The following KISS1R variants were observed in gnomAD, a reference collection of about 807,000 sequenced individuals.
KISS1R encodes the protein kiSS-1 receptor.
KISS1R carries 19 observed loss-of-function variants against 22.0 expected under a neutral mutation model. The observed-to-expected ratio is 0.86, with a 90% CI of 0.60 to 1.26. The LOEUF is 1.26. KISS1R is among the 50% of genes most tolerant of loss of function. The pLI is 0.00. For missense variants in KISS1R, 653 were observed against 581.9 expected (o/e 1.12, Z -1.26); for synonymous variants, 302 against 283.9 (o/e 1.06, Z -0.64).
Position 919,861 on chromosome 19 carries a change from G to T in KISS1R, c.506-13G>T, listed in dbSNP as rs1209639002. ...TTCCCCGAGCGGGGTCTTCATCCTGGCTTGTGGCACAGGCTCTGCGGCGGT... is the reference window on the plus strand; with the variant it reads ...TTCCCCGAGCGGGGTCTTCATCCTGTCTTGTGGCACAGGCTCTGCGGCGGT... On this transcript the variant is annotated splice_polypyrimidine_tract_variant and intron_variant, in intron 3 of 4. Transcript: ENST00000234371. The T allele has an allele frequency of 6.5e-7, 1 of 1,535,628 alleles. No individual in the cohort carries two copies. Among genetic ancestry groups the T allele is most frequent in the South Asian group, 1.2e-5 (1 of 84,036 alleles).
chr19:920,375 G>A lies in KISS1R; in HGVS notation c.824G>A (p.Cys275Tyr), dbSNP rs1269448845. ...VAAVVLLFAACWGPIQLFLVL... is the reference protein window; with the variant it reads ...VAAVVLLFAAYWGPIQLFLVL... ...GCCGTGGTCCTGCTCTTCGCCGCCT[G>A]CTGGGGCCCCATCCAGCTGTTCCTG... is the stretch of plus-strand genomic sequence containing the variant. Residue 275 changes from cysteine to tyrosine, a missense_variant, in exon 5 of 5, where the codon TGC becomes TAC. Transcript: ENST00000234371. 4 of 1,586,196 alleles carry A rather than the reference G, an allele frequency of 2.5e-6. No individual in the cohort carries two copies. The highest frequency in any genetic ancestry group is 3.4e-6 in the Non-Finnish European group (4 of 1,172,052).
rs1444197842 is a variant in KISS1R at position 920,372 on chromosome 19, C to A, written c.821C>A (p.Ala274Asp). The A allele has an allele frequency of 6.3e-7, 1 of 1,582,728 alleles. No individual in the cohort carries two copies. The highest frequency in any genetic ancestry group is 1.1e-5 in the South Asian group (1 of 88,046). ...LVAAVVLLFA[A>D]CWGPIQLFLV... ...GCGGCCGTGGTCCTGCTCTTCGCCG[C>A]CTGCTGGGGCCCCATCCAGCTGTTC... is the stretch of plus-strand genomic sequence containing the variant. The change falls in exon 5 of 5, where the codon GCC becomes GAC. Residue 274 changes from alanine to aspartate, a missense_variant. By Grantham distance (126) the Ala-to-Asp change is moderately radical (BLOSUM62 -2). Coordinates refer to ENST00000234371, the MANE Select transcript of KISS1R (RefSeq NM_032551.5).
Position 919,880 on chromosome 19 carries a change from C to T in KISS1R, c.512C>T (p.Ala171Val). 6.5e-7 allele frequency: 1 copy of T among 1,535,084 alleles called. No individual in the cohort carries two copies. Among genetic ancestry groups the T allele is most frequent in the Non-Finnish European group, 8.7e-7 (1 of 1,145,554 alleles). Residue 171 changes from alanine to valine, a missense_variant, in exon 4 of 5, where the codon GCG becomes GTG. Physicochemically the swap from Ala to Val is moderately conservative, Grantham distance 64. Coordinates refer to ENST00000234371, the MANE Select transcript of KISS1R (RefSeq NM_032551.5). ...ATCCTGGCTTGTGGCACAGGCTCTG[C>T]GGCGGTGTCTGCGCCGGTGCTCGCC... Reference protein sequence around the residue: ...AVSLSIWVGSAAVSAPVLALH... With the variant: ...AVSLSIWVGSVAVSAPVLALH...
chr19:917,420 C>G lies in KISS1R; in HGVS notation c.-83C>G. On this transcript the variant is annotated 5_prime_UTR_variant, in exon 1 of 5. Transcript: ENST00000234371. ...TCCTGAGTTCCACAGGCGCAGCCCCCGGGCGGTCGGGCGGAGGGGTCCCCG... is the reference window on the plus strand; with the variant it reads ...TCCTGAGTTCCACAGGCGCAGCCCCGGGGCGGTCGGGCGGAGGGGTCCCCG... 2.2e-6 allele frequency: 3 copies of G among 1,357,518 alleles called. No individual in the cohort carries two copies. The highest frequency in any genetic ancestry group is 1.7e-5 in the South Asian group (1 of 57,830). The allele number at this position is 1,357,518 out of a possible 1,614,324, so 84.1% of individuals were successfully genotyped here. A position where few individuals can be genotyped will look rare whatever the true frequency, so the allele number is the denominator to read the frequency against.
In KISS1R at chr19:920,509, C is replaced by A. The variant is rs761804333; in HGVS notation, c.958C>A (p.Pro320Thr). 3.1e-6 allele frequency: 5 copies of A among 1,608,702 alleles called. No individual in the cohort carries two copies. The African/African-American group carries it at 5.4e-5, about 17-fold the overall frequency. Residue 320 changes from proline (P) to threonine (T), a missense_variant, in exon 5 of 5, where the codon CCG (proline) becomes ACG (threonine). By Grantham distance (38) the Pro-to-Thr change is conservative. Transcript: ENST00000234371. ...GTCCTACAGCAACTCCGCGCTGAAC[C>A]CGCTGCTCTACGCCTTCCTGGGCTC... ...CMSYSNSALN[P>T]LLYAFLGSHF...
Position 917,429 on chromosome 19 carries a change from G to T in KISS1R, c.-74G>T. On this transcript the variant is annotated 5_prime_UTR_variant, in exon 1 of 5. Transcript: ENST00000234371. ...CCACAGGCGCAGCCCCCGGGCGGTC[G>T]GGCGGAGGGGTCCCCGGGGCGGTGC... 7.3e-7 allele frequency: 1 copy of T among 1,367,036 alleles called. No individual in the cohort carries two copies. The highest frequency in any genetic ancestry group is 9.4e-7 in the Non-Finnish European group (1 of 1,067,044). The allele number at this position is 1,367,036 out of a possible 1,614,324, so 84.7% of individuals were successfully genotyped here. A position where few individuals can be genotyped will look rare whatever the true frequency, so the allele number is the denominator to read the frequency against.
At chr19:918,462 GC>G in intron 1 of KISS1R, 81 bp from the exon 2 acceptor site, 1 of 1,491,714 alleles carries the variant, frequency 6.7e-7, no homozygotes, top group East Asian at 2.5e-5. Context: ...CAAGGTGGGG[GC>G]CAGGGGTCAG....
In KISS1R at chr19:917,392, C is replaced by T. The variant is rs2037064094; in HGVS notation, c.-111C>T. On this transcript the variant is annotated 5_prime_UTR_variant, in exon 1 of 5. Coordinates refer to ENST00000234371, the MANE Select transcript of KISS1R (RefSeq NM_032551.5). ...GGACCCTGCGGACCCCAGCCGAGCC[C>T]CTTCCTGAGTTCCACAGGCGCAGCC... The T allele has an allele frequency of 4.7e-6, 6 of 1,270,166 alleles. No individual in the cohort carries two copies. The highest frequency in any genetic ancestry group is 6.1e-6 in the Non-Finnish European group (6 of 981,998). 78.7% of individuals were successfully genotyped at this position (1,270,166 alleles called of 1,614,324 possible).
At chr19:918,753 G>A in intron 2 of KISS1R, 85 bp downstream of exon 2, 1 of 1,465,638 alleles carries the variant, frequency 6.8e-7, no homozygotes, top group South Asian at 1.2e-5. Context: ...GGACGCACTT[G>A]GGGACAGGCG....
Position 920,301 on chromosome 19 carries a change from G to T in KISS1R, c.750G>T (p.Leu250=), listed in dbSNP as rs758432324. 6.4e-6 allele frequency: 10 copies of T among 1,571,206 alleles called. No homozygotes were observed. Residue 250 remains leucine, a synonymous_variant, in exon 5 of 5, where the codon CTG becomes CTT. Coordinates refer to ENST00000234371, the MANE Select transcript of KISS1R (RefSeq NM_032551.5). Reference sequence around the variant, plus strand: ...CGGCACCCCCCCAGGGGCAGGTGCTGGCAGAGCGCGCAGGCGCCGTGCGGG... The same window carrying T: ...CGGCACCCCCCCAGGGGCAGGTGCTTGCAGAGCGCGCAGGCGCCGTGCGGG... ...PADSALQGQV[L]AERAGAVRAK...
At chr19:919,320 C>G (rs2037091619) in intron 2 of KISS1R, among the ~76,000 whole-genome samples, 170 bp from the exon 3 acceptor site, 1 of 152,164 alleles carries the variant, frequency 6.6e-6, no homozygotes. Context: ...GCCCTCCTCT[C>G]CCAGTCTCCC....
intron 1 of KISS1R, 148 bp from the exon 2 acceptor site, chr19:918,396 C>A: frequency 1.1e-6 from 1 of 925,122 alleles, no homozygotes; most frequent in Non-Finnish European, 1.5e-6. Flanking sequence ...CCGAGGAGGC[C>A]AGGGGCGCTG....
chr19:919,794 C>T (rs1157364196), intron 3 of KISS1R, 80 bp from the exon 4 acceptor site: 1 of 1,497,312 alleles, frequency 6.7e-7, no homozygotes, highest in Non-Finnish European at 9.0e-7. Flanking sequence ...TGCAGGGTGG[C>T]TGGGTGAACG....
chr19:919,712 C>T, intron 3 of KISS1R, 87 bp downstream of exon 3: 2 of 1,527,168 alleles, frequency 1.3e-6, no homozygotes, highest in South Asian at 2.4e-5. Context: ...CTCGGTCCAG[C>T]ATCTGGAAAA....
intron 4 of KISS1R, 38 bp from the exon 5 acceptor site, chr19:920,252 C>G (rs73507529): frequency 1.3e-6 from 2 of 1,553,116 alleles, no homozygotes; most frequent in Non-Finnish European, 1.7e-6. Context: ...AGCCGGGCCC[C>G]AGCCTTTCGT....
chr19:919,789 G>T (rs2037098924), intron 3 of KISS1R, 85 bp from the exon 4 acceptor site: 1 of 1,493,682 alleles, frequency 6.7e-7, no homozygotes, highest in African/African-American at 1.4e-5. Context: ...GCCTTTGCAG[G>T]GTGGCTGGGT....
intron 1 of KISS1R, among the ~76,000 whole-genome samples, 195 bp downstream of exon 1, chr19:917,941 C>A (rs1029207760): frequency 1.3e-5 from 2 of 151,986 alleles, no homozygotes; most frequent in Non-Finnish European, 2.9e-5. Context: ...CCAGCGCGGG[C>A]GGGCCCGGGC....
In KISS1R at chr19:920,333, T is replaced by G. The variant is rs2037107040; in HGVS notation, c.782T>G (p.Val261Gly). The G allele has an allele frequency of 6.4e-7, 1 of 1,563,014 alleles. No homozygotes were observed. The highest frequency in any genetic ancestry group is 8.6e-7 in the Non-Finnish European group (1 of 1,162,068). Residue 261 changes from valine (V) to glycine (G), a missense_variant, in exon 5 of 5, where the codon GTC becomes GGC. Physicochemically the swap from Val to Gly is moderately radical, Grantham distance 109 (BLOSUM62 -3). Transcript: ENST00000234371. ...AERAGAVRAK[V>G]SRLVAAVVLL... The stretch of plus-strand genomic sequence containing the variant: ...CGCGCAGGCGCCGTGCGGGCCAAGG[T>G]CTCGCGGCTGGTGGCGGCCGTGGTC...
rs142810073 is a variant in KISS1R, at chr19:918,632, C to A, written c.333C>A (p.Gly111=). Residue 111 remains glycine (G), a synonymous_variant, in exon 2 of 5, where the codon GGC becomes GGA. Transcript: ENST00000234371. The part of the protein sequence containing the change: ...LLYPLPGWVL[G]DFMCKFVNYI... ...ACCCGCTGCCCGGCTGGGTGCTGGG[C>A]GACTTCATGTGCAAGTTCGTCAACT... The A allele has an allele frequency of 1.3e-6, 2 of 1,551,150 alleles. No homozygotes were observed. The highest frequency in any genetic ancestry group is 1.7e-6 in the Non-Finnish European group (2 of 1,147,060).
Sources: gnomAD v4.1 joint callset for allele counts (sites outside exome capture counted in the v4.1 genomes callset) on GRCh38, gnomAD v4.1.1 for gene constraint, MANE v1.5 for transcripts, NCBI Gene and HGNC (gene_info 2026-07-23, HGNC 2026-07-21) for gene names.